The following NRXN2 variants were observed in gnomAD, a reference collection of about 807,000 sequenced individuals.
NRXN2 encodes neurexin 2.
A neutral mutation model predicts 128.8 loss-of-function variants in NRXN2; 29 were observed. The observed-to-expected ratio is 0.23, with a 90% CI of 0.17 to 0.31. The LOEUF is 0.31. Among genes scored for constraint, NRXN2 ranks in the 10% least tolerant of loss-of-function variants. The probability of loss-of-function intolerance (pLI) is 1.00; values close to 1 mark genes in which losing one functional copy is unlikely to be tolerated. For synonymous variants in NRXN2, 1,098 were observed against 1,075.2 expected (o/e 1.02, Z -0.41); for missense variants, 1,881 against 2,452.6 (o/e 0.77, Z 4.92).
intron 19 of NRXN2, among the ~76,000 whole-genome samples, chr11:64,629,057 T>C (rs554520954): frequency 2.6e-5 from 4 of 152,324 alleles, no homozygotes; most frequent in African/African-American, 9.6e-5. Context: ...GCCTGCGTAA[T>C]TGGTGTCATA....
rs547318341 is a variant in NRXN2, at chr11:64,716,794, C to T, written c.-244-2851G>A. Among the ~76,000 whole-genome samples the T allele has an allele frequency of 1.8e-4, 28 of 152,266 alleles. No individual in the cohort carries two copies. The South Asian group carries it at 5.2e-3, about 28-fold the overall frequency. ...AGCACTCCCTGAGTCCTCTCTCCCCCGGGATCCACAGACCCTTGGGGCAGC... is the reference window on the plus strand; with the variant it reads ...AGCACTCCCTGAGTCCTCTCTCCCCTGGGATCCACAGACCCTTGGGGCAGC... On this transcript the variant is annotated intron_variant, in intron 1 of 22. Coordinates refer to ENST00000265459, the MANE Select transcript of NRXN2 (RefSeq NM_015080.4).
chr11:64,717,722 G>A (rs1462735240), intron 1 of NRXN2, among the ~76,000 whole-genome samples: 2 of 152,206 alleles, frequency 1.3e-5, no homozygotes, highest in African/African-American at 4.8e-5. Context: ...CCCCATGTGC[G>A]CTGTCTTAGT....
chr11:64,607,089 A>T lies in NRXN2; in HGVS notation c.*107T>A, dbSNP rs957210342. ...GTTTCCTCTTCGTAAGAGAAGCCTG[A>T]GGCAGCCAGGGAGAGGGTCCCCAGG... On this transcript the variant is annotated 3_prime_UTR_variant, in exon 23 of 23. Coordinates refer to ENST00000265459, the MANE Select transcript of NRXN2 (RefSeq NM_015080.4). 1.7e-6 allele frequency: 2 copies of T among 1,211,462 alleles called. No individual in the cohort carries two copies. The highest frequency in any genetic ancestry group is 3.0e-5 in the African/African-American group (2 of 66,218). 75.0% of individuals were successfully genotyped at this position (1,211,462 alleles called of 1,614,324 possible). A position where few individuals can be genotyped will look rare whatever the true frequency, so the allele number is the denominator to read the frequency against.
intron 9 of NRXN2, among the ~76,000 whole-genome samples, chr11:64,665,688 G>A (rs954412981): frequency 6.6e-6 from 1 of 152,222 alleles, no homozygotes; most frequent in Non-Finnish European, 1.5e-5. Flanking sequence ...TCCTGCATGG[G>A]GAGGAGCGGT....
At chr11:64,694,833 G>A (rs940639788) in intron 3 of NRXN2, among the ~76,000 whole-genome samples, 3 of 152,090 alleles carry the variant, frequency 2.0e-5, no homozygotes, top group African/African-American at 7.2e-5. Flanking sequence ...TCCCACCCTT[G>A]AGAATCCAGG....
chr11:64,615,724 C>T (rs1028727752), intron 22 of NRXN2, among the ~76,000 whole-genome samples: 1 of 152,188 alleles, frequency 6.6e-6, no homozygotes, highest in African/African-American at 2.4e-5. Flanking sequence ...TGTGTGCATG[C>T]CCTACAAGTC....
chr11:64,683,632 A>AAAAG (rs2052613708), intron 6 of NRXN2, among the ~76,000 whole-genome samples: 2 of 151,918 alleles, frequency 1.3e-5, no homozygotes, highest in Non-Finnish European at 2.9e-5. Flanking sequence ...AAAAAAAAAA[A>AAAAG]AAAAGAAAAG....
chr11:64,715,505 G>C (rs1053137285), intron 1 of NRXN2, among the ~76,000 whole-genome samples: 1 of 152,170 alleles, frequency 6.6e-6, no homozygotes, highest in African/African-American at 2.4e-5. Context: ...GGAAGGAAAC[G>C]AGGGACCCCC....
chr11:64,651,233 A>T lies in NRXN2; in HGVS notation c.2918+22T>A. 6.2e-7 allele frequency: 1 copy of T among 1,613,728 alleles called. No individual in the cohort carries two copies. Among genetic ancestry groups the T allele is most frequent in the South Asian group, 1.1e-5 (1 of 91,040 alleles). On this transcript the variant is annotated intron_variant, in intron 14 of 22. Transcript: ENST00000265459. This position sits in a 1 kb window ranked among gnomAD's most constrained non-coding sequence, Gnocchi z 5.9. ...GGGAGGGGGCCACCTCCTTGACAGC[A>T]GTGCAATCCCCAGCCCCTCACCCCT...
Position 64,662,789 on chromosome 11 carries a change from A to AAAT in NRXN2, c.1799-1651_1799-1650insATT, listed in dbSNP as rs1555068009. On this transcript the variant is annotated intron_variant, in intron 9 of 22. Coordinates refer to ENST00000265459, the MANE Select transcript of NRXN2 (RefSeq NM_015080.4). The stretch of plus-strand genomic sequence containing the variant: ...AGAGCGAGATTCTGTCTCAAAAAAA[A>AAAT]AAATAAATAAATAAATAAAAGGGGT... Among the ~76,000 whole-genome samples the AAAT allele has an allele frequency of 7.3e-3, 1,104 of 151,876 alleles. 9 individuals carry two copies. Among genetic ancestry groups the AAAT allele is most frequent in the African/African-American group, 0.026 (1,055 of 41,350 alleles).
At chr11:64,646,848 C>T (rs563379980) in intron 17 of NRXN2, among the ~76,000 whole-genome samples, 2 of 152,298 alleles carry the variant, frequency 1.3e-5, no homozygotes, top group Admixed American at 1.3e-4. Flanking sequence ...TGTCTGGAGG[C>T]TTTGGAAGGC....
At position 64,632,998 on chromosome 11, in the gene NRXN2, A is replaced by C. The variant is rs2044147095; in HGVS notation, c.3585+2273T>G. ...AGGAAGGGGTTTGGGGGCTGCCCCC[A>C]GGGGGCCTCAGCCCATCTGGTGCCC... On this transcript the variant is annotated intron_variant, in intron 18 of 22. Coordinates refer to ENST00000265459, the MANE Select transcript of NRXN2 (RefSeq NM_015080.4). This position sits in a 1 kb window ranked among gnomAD's most constrained non-coding sequence, Gnocchi z 4.2. 1.3e-5 allele frequency among the ~76,000 whole-genome samples: 2 copies of C among 152,084 alleles called. No homozygotes were observed. The highest frequency in any genetic ancestry group is 4.1e-4 in the South Asian group (2 of 4,830).
chr11:64,685,150 C>T (rs1432849543), intron 6 of NRXN2, among the ~76,000 whole-genome samples: 1 of 152,142 alleles, frequency 6.6e-6, no homozygotes, highest in East Asian at 1.9e-4. Context: ...CCTGCCCGCA[C>T]ACATTAACTC....
chr11:64,638,503 AC>A (rs1031941103), intron 17 of NRXN2, among the ~76,000 whole-genome samples: 6 of 151,620 alleles, frequency 4.0e-5, no homozygotes, highest in African/African-American at 1.5e-4. Flanking sequence ...TCAGCCTCTC[AC>A]CCCGGCAAGC....
chr11:64,716,248 C>T (rs1287206613), intron 1 of NRXN2, among the ~76,000 whole-genome samples: 1 of 152,190 alleles, frequency 6.6e-6, no homozygotes, highest in African/African-American at 2.4e-5. Flanking sequence ...TGCTGCTGTC[C>T]AGTCATCCCC....
chr11:64,647,310 C>A (rs927811901), intron 17 of NRXN2, among the ~76,000 whole-genome samples: 2 of 151,604 alleles, frequency 1.3e-5, no homozygotes, highest in Admixed American at 1.3e-4. Flanking sequence ...TCAGCAGGAC[C>A]CCAGGGAAGA....
At position 64,623,175 on chromosome 11, in the gene NRXN2, G is replaced by A. The variant is rs2042617591; in HGVS notation, c.3848-97C>T. 2 of 1,479,710 alleles carry A rather than the reference G, an allele frequency of 1.4e-6. No homozygotes were observed. Among genetic ancestry groups the A allele is most frequent in the South Asian group, 2.7e-5 (2 of 73,538 alleles). The allele number at this position is 1,479,710 out of a possible 1,614,324, so 91.7% of individuals were successfully genotyped here. A position where few individuals can be genotyped will look rare whatever the true frequency, so the allele number is the denominator to read the frequency against. ...AGAAGGAAGCCAAGGAGAGGAAAGA[G>A]GAATGGAGGAGAAAGCCAGTAAGGG... On this transcript the variant is annotated intron_variant, in intron 20 of 22. Transcript: ENST00000265459. This position sits in a 1 kb window ranked among gnomAD's most constrained non-coding sequence, Gnocchi z 4.9.
At chr11:64,677,058 G>T (rs2051429494) in intron 6 of NRXN2, 21 bp from the exon 7 acceptor site, 1 of 1,366,774 alleles carries the variant, frequency 7.3e-7, no homozygotes, top group Non-Finnish European at 9.8e-7. Context: ...GATATGGGGG[G>T]ATGGGGAGGA....
chr11:64,607,456 C>T lies in NRXN2; in HGVS notation c.4879G>A (p.Glu1627Lys). Residue 1627 changes from glutamate to lysine, a missense_variant, in exon 23 of 23, where the codon GAG becomes AAG. Physicochemically the swap from Glu to Lys is moderately conservative, Grantham distance 56 (BLOSUM62 1). Around this residue, in one of 7 missense-constraint regions of NRXN2, gnomAD observed 310 missense variants for 318.2 expected, o/e 0.97. Transcript: ENST00000265459. ...GTGCTGCTGGACTCCCGGATCACCT[C>T]CACTGCGCCCGGCGGGCCCCGCTCC... is the stretch of plus-strand genomic sequence containing the variant. ...PGERGPPGAV[E>K]VIRESSSTTG... 6.2e-7 allele frequency: 1 copy of T among 1,610,666 alleles called. No homozygotes were observed. The highest frequency in any genetic ancestry group is 1.3e-5 in the African/African-American group (1 of 74,844).
Sources: gnomAD v4.1 joint callset for allele counts (sites outside exome capture counted in the v4.1 genomes callset) on GRCh38, gnomAD v4.1.1 for gene constraint, gnomAD v4.1.1 regional missense constraint, Gnocchi (gnomAD v3.1) non-coding constraint, MANE v1.5 for transcripts, NCBI Gene and HGNC (gene_info 2026-07-23, HGNC 2026-07-21) for gene names.